The following PTPRE variants were observed in gnomAD, a reference collection of about 807,000 sequenced individuals.
PTPRE encodes the protein protein tyrosine phosphatase receptor type E.
Under a neutral mutation model 102.0 loss-of-function variants are expected in PTPRE, and 51 were observed. The ratio of observed to expected loss-of-function variants is 0.50; its 90% CI spans 0.40 to 0.63. PTPRE has a LOEUF of 0.63. PTPRE is among the 30% of genes least tolerant of loss of function. The pLI, the probability that PTPRE is intolerant of heterozygous loss-of-function variation, is 0.00. For synonymous variants in PTPRE, 345 were observed against 348.2 expected (o/e 0.99, Z 0.10); for missense variants, 752 against 915.1 (o/e 0.82, Z 2.30).
chr10:128,085,102 C>T lies in PTPRE; in HGVS notation c.*2196C>T, dbSNP rs777351697. 10 of 456,178 alleles carry T rather than the reference C, an allele frequency of 2.2e-5. No homozygotes were observed. Among genetic ancestry groups the T allele is most frequent in the South Asian group, 1.2e-4 (8 of 64,550 alleles). 28.3% of individuals were successfully genotyped at this position (456,178 alleles called of 1,614,324 possible). ...AAAGGAGAAGCCACTTTCCCCAGGA[C>T]GCAAGACTCTCCCCTCCACTGTCCG... On this transcript the variant is annotated 3_prime_UTR_variant, in exon 21 of 21. Coordinates refer to ENST00000254667, the MANE Select transcript of PTPRE (RefSeq NM_006504.6).
chr10:127,916,919 C>T (rs939874774), intron 1 of PTPRE, among the ~76,000 whole-genome samples: 1 of 152,096 alleles, frequency 6.6e-6, no homozygotes, highest in Non-Finnish European at 1.5e-5. Flanking sequence ...CACCCCTCCC[C>T]CCATCCTGAG....
In PTPRE at chr10:127,944,798, G is replaced by A. The variant is rs993064991; in HGVS notation, c.-30-37476G>A. Among the ~76,000 whole-genome samples the A allele has an allele frequency of 6.6e-6, 1 of 152,196 alleles. No homozygotes were observed. Among genetic ancestry groups the A allele is most frequent in the Non-Finnish European group, 1.5e-5 (1 of 68,048 alleles). On this transcript the variant is annotated intron_variant, in intron 1 of 20. Coordinates refer to ENST00000254667, the MANE Select transcript of PTPRE (RefSeq NM_006504.6). This position sits in a 1 kb window ranked among gnomAD's most constrained non-coding sequence, Gnocchi z 4.2. Reference sequence around the variant, plus strand: ...CTAGGGGGTTGTTGCAGTGAAAGAAGATAGTGGCATAAAATTAGGTAGGTG... The same window carrying A: ...CTAGGGGGTTGTTGCAGTGAAAGAAAATAGTGGCATAAAATTAGGTAGGTG...
intron 3 of PTPRE, 24 bp downstream of exon 3, chr10:128,041,014 C>A: frequency 6.3e-7 from 1 of 1,597,344 alleles, no homozygotes; most frequent in African/African-American, 1.3e-5. Flanking sequence ...TCCCTGGCTG[C>A]CTCCCCTACT....
At chr10:128,007,703 A>G (rs1844613153) in intron 2 of PTPRE, among the ~76,000 whole-genome samples, 1 of 152,220 alleles carries the variant, frequency 6.6e-6, no homozygotes, top group African/African-American at 2.4e-5. Flanking sequence ...AGCCTTAGGC[A>G]GATTACTTAA....
At chr10:127,926,260 C>T (rs1490634204) in intron 1 of PTPRE, among the ~76,000 whole-genome samples, 2 of 152,180 alleles carry the variant, frequency 1.3e-5, no homozygotes, top group Non-Finnish European at 2.9e-5. Context: ...TTTTAAATCT[C>T]CACTGTAATC....
chr10:128,054,031 A>G (rs1328080631), intron 6 of PTPRE, among the ~76,000 whole-genome samples: 1 of 152,134 alleles, frequency 6.6e-6, no homozygotes, highest in African/African-American at 2.4e-5. Flanking sequence ...AAGTGCTGGG[A>G]TTACAGGTGT....
chr10:128,080,930 C>A (rs1209262811), intron 20 of PTPRE, among the ~76,000 whole-genome samples: 1 of 152,170 alleles, frequency 6.6e-6, no homozygotes. Context: ...TTACAGATGT[C>A]TTTCTCATTT....
chr10:128,070,731 G>C lies in PTPRE; in HGVS notation c.1294-77G>C. On this transcript the variant is annotated intron_variant, in intron 14 of 20. Transcript: ENST00000254667. This position sits in a 1 kb window ranked among gnomAD's most constrained non-coding sequence, Gnocchi z 4.8. ...CTTTGAGCAGGCGTCCTTGCCAGCA[G>C]CACTAGTCCTCGGCTGAGCAATGTG... 1 of 1,471,842 alleles carries C rather than the reference G, an allele frequency of 6.8e-7. No individual in the cohort carries two copies. Among genetic ancestry groups the C allele is most frequent in the South Asian group, 1.2e-5 (1 of 84,048 alleles). 91.2% of individuals were successfully genotyped at this position (1,471,842 alleles called of 1,614,324 possible).
intron 2 of PTPRE, among the ~76,000 whole-genome samples, chr10:128,000,611 C>T (rs1353809361): frequency 6.6e-6 from 1 of 152,200 alleles, no homozygotes; most frequent in African/African-American, 2.4e-5. Context: ...TGGGTAAGCT[C>T]AGATATATTA....
At chr10:127,978,792 G>A (rs529144423) in intron 1 of PTPRE, among the ~76,000 whole-genome samples, 1 of 152,258 alleles carries the variant, frequency 6.6e-6, no homozygotes, top group Non-Finnish European at 1.5e-5. Flanking sequence ...AGGCCGAGGA[G>A]GGTGGATCAC....
At chr10:128,029,060 C>T (rs1201894046) in intron 2 of PTPRE, among the ~76,000 whole-genome samples, 1 of 152,212 alleles carries the variant, frequency 6.6e-6, no homozygotes, top group East Asian at 1.9e-4. Flanking sequence ...TTGATTGCGA[C>T]TCCTCGGAGG....
chr10:128,001,817 A>G (rs1266469468), intron 2 of PTPRE, among the ~76,000 whole-genome samples: 1 of 152,190 alleles, frequency 6.6e-6, no homozygotes, highest in Non-Finnish European at 1.5e-5. Context: ...AGCTGGGCAA[A>G]CGTAAGAAAG....
In PTPRE at chr10:127,942,601, G is replaced by A. The variant is rs1589792533; in HGVS notation, c.-31+35292G>A. Reference sequence around the variant, plus strand: ...CGGATGAACCTGGAAGACGTACTGAGTGGAATAAGCCAGTTACACACAGAC... The same window carrying A: ...CGGATGAACCTGGAAGACGTACTGAATGGAATAAGCCAGTTACACACAGAC... On this transcript the variant is annotated intron_variant, in intron 1 of 20. Coordinates refer to ENST00000254667, the MANE Select transcript of PTPRE (RefSeq NM_006504.6). Among the ~76,000 whole-genome samples, 3 of 152,350 alleles carry A rather than the reference G, an allele frequency of 2.0e-5. No individual in the cohort carries two copies. The South Asian group carries it at 6.2e-4, about 32-fold the overall frequency.
At chr10:127,970,695 T>A (rs1403614626) in intron 1 of PTPRE, among the ~76,000 whole-genome samples, 3 of 151,788 alleles carry the variant, frequency 2.0e-5, no homozygotes, top group Non-Finnish European at 4.4e-5. Context: ...TGGACTATTC[T>A]TTTGTTAATC....
chr10:127,951,152 G>A (rs572852819), intron 1 of PTPRE, among the ~76,000 whole-genome samples: 1 of 152,218 alleles, frequency 6.6e-6, no homozygotes, highest in Non-Finnish European at 1.5e-5. Flanking sequence ...ATCTGTATAA[G>A]CATAAAACTT....
At chr10:127,975,817 G>A (rs1306636393) in intron 1 of PTPRE, among the ~76,000 whole-genome samples, 2 of 152,298 alleles carry the variant, frequency 1.3e-5, no homozygotes, top group South Asian at 2.1e-4. Flanking sequence ...GTAGAGGGGA[G>A]TAAAACAGGC....
At chr10:127,933,043 C>T (rs565033757) in intron 1 of PTPRE, among the ~76,000 whole-genome samples, 19 of 152,304 alleles carry the variant, frequency 1.2e-4, no homozygotes, top group Non-Finnish European at 2.2e-4. Context: ...ATCTCTCTGG[C>T]TCTCCTGCTC....
rs192655191 is a variant in PTPRE, at chr10:127,935,411, G to C, written c.-31+28102G>C. ...TCCCAGGCTTGAATCCCATTACCAG[G>C]GGCAACCGATCCTTCTTGTCCTTTC... On this transcript the variant is annotated intron_variant, in intron 1 of 20. Coordinates refer to ENST00000254667, the MANE Select transcript of PTPRE (RefSeq NM_006504.6). Among the ~76,000 whole-genome samples, 86 of 152,170 alleles carry C rather than the reference G, an allele frequency of 5.7e-4. 2 individuals carry two copies. The highest frequency in any genetic ancestry group is 2.0e-3 in the African/African-American group (81 of 41,524).
chr10:128,051,974 C>T (rs1339802648), intron 6 of PTPRE, among the ~76,000 whole-genome samples: 2 of 152,312 alleles, frequency 1.3e-5, no homozygotes, highest in Admixed American at 1.3e-4. Context: ...GTGATCCTCC[C>T]ACCTCAGCCT....
Sources: gnomAD v4.1 joint callset for allele counts (sites outside exome capture counted in the v4.1 genomes callset) on GRCh38, gnomAD v4.1.1 for gene constraint, Gnocchi (gnomAD v3.1) non-coding constraint, MANE v1.5 for transcripts, NCBI Gene and HGNC (gene_info 2026-07-23, HGNC 2026-07-21) for gene names.